ZNF787: variants seen among roughly 807,000 people sequenced by gnomAD.
ZNF787 encodes TTF-I-interacting peptide 20.
Under a neutral mutation model 16.9 loss-of-function variants are expected in ZNF787, and 7 were observed. That is an observed-to-expected ratio of 0.42 (90% CI 0.24 to 0.78). ZNF787 has a LOEUF of 0.78. Ranked by LOEUF, ZNF787 falls within the 30% of genes least tolerant of loss-of-function variation. The pLI is 0.30. For synonymous variants in ZNF787, 345 were observed against 270.9 expected (o/e 1.27, Z -2.69); for missense variants, 551 against 589.3 (o/e 0.94, Z 0.67).
intron 1 of ZNF787, among the ~76,000 whole-genome samples, chr19:56,103,919 C>A (rs1986206218): frequency 5.8e-5 from 1 of 17,206 alleles, no homozygotes; most frequent in Non-Finnish European, 1.5e-4. Flanking sequence ...TGCCACGCAC[C>A]GGGAGGGTCC....
Position 56,089,010 on chromosome 19 carries a change from G to A in ZNF787, c.162C>T (p.Ala54=), listed in dbSNP as rs774444323. The A allele has an allele frequency of 2.4e-5, 36 of 1,488,194 alleles. No homozygotes were observed. In the African/African-American group the frequency reaches 4.6e-4, roughly 19 times the overall value. The allele number at this position is 1,488,194 out of a possible 1,614,324, so 92.2% of individuals were successfully genotyped here. A position where few individuals can be genotyped will look rare whatever the true frequency, so the allele number is the denominator to read the frequency against. The stretch of plus-strand genomic sequence containing the variant: ...GCGGCCGCGGCCGGGGAGGCGGGCC[G>A]GCTGGGGGCGCAGACTGGGGCGGGG... The part of the protein sequence containing the change: ...KLSPPQSAPP[A]GPPPRPRPPA... The change falls in exon 3 of 3, where the codon GCC becomes GCT. Residue 54 remains alanine, a synonymous_variant. Coordinates refer to ENST00000610935, the MANE Select transcript of ZNF787 (RefSeq NM_001002836.4).
At chr19:56,095,796 C>T (rs2123398425) in intron 2 of ZNF787, among the ~76,000 whole-genome samples, 1 of 152,352 alleles carries the variant, frequency 6.6e-6, no homozygotes, top group East Asian at 1.9e-4. Context: ...ACAGCTCCTA[C>T]TTCAGCTGCT....
In ZNF787 at chr19:56,088,995, C is replaced by A; in HGVS notation, c.177G>T (p.Arg59=). The A allele has an allele frequency of 6.7e-7, 1 of 1,494,668 alleles. No homozygotes were observed. Among genetic ancestry groups the A allele is most frequent in the Non-Finnish European group, 8.9e-7 (1 of 1,124,448 alleles). The allele number at this position is 1,494,668 out of a possible 1,614,324, so 92.6% of individuals were successfully genotyped here. A position where few individuals can be genotyped will look rare whatever the true frequency, so the allele number is the denominator to read the frequency against. The change falls in exon 3 of 3, where the codon CGG becomes CGT. Residue 59 remains arginine (R), a synonymous_variant. Coordinates refer to ENST00000610935, the MANE Select transcript of ZNF787 (RefSeq NM_001002836.4). This position sits in a 1 kb window ranked among gnomAD's most constrained non-coding sequence, Gnocchi z 8.6. ...AGATGTAGGGGGCGGGCGGCCGCGG[C>A]CGGGGAGGCGGGCCGGCTGGGGGCG... ...QSAPPAGPPP[R]PRPPAPYICN... is the part of the protein sequence containing the mutation.
chr19:56,107,384 G>A (rs941135139), intron 1 of ZNF787, among the ~76,000 whole-genome samples: 2 of 152,156 alleles, frequency 1.3e-5, no homozygotes, highest in Non-Finnish European at 1.5e-5. Context: ...CGCTCTCCAG[G>A]GTCCTCATTT....
At chr19:56,110,246 G>C (rs2029938971) in intron 1 of ZNF787, among the ~76,000 whole-genome samples, 1 of 151,890 alleles carries the variant, frequency 6.6e-6, no homozygotes, top group Admixed American at 6.6e-5. Context: ...TGTAGTCCCA[G>C]CTACTGGGGA....
At chr19:56,107,733 T>G (rs1478017247) in intron 1 of ZNF787, among the ~76,000 whole-genome samples, 4 of 143,160 alleles carry the variant, frequency 2.8e-5, no homozygotes, top group Admixed American at 7.0e-5. Context: ...GAGGCTGGGG[T>G]GGGCCCTCAG....
intron 2 of ZNF787, among the ~76,000 whole-genome samples, chr19:56,099,097 C>A (rs1047416123): frequency 2.6e-5 from 4 of 152,174 alleles, no homozygotes; most frequent in Non-Finnish European, 5.9e-5. Context: ...ATATCAAGTC[C>A]TTCTGGGCTA....
intron 2 of ZNF787, among the ~76,000 whole-genome samples, chr19:56,099,666 G>A (rs1301626625): frequency 4.4e-5 from 6 of 136,326 alleles, no homozygotes; most frequent in South Asian, 2.4e-4. Flanking sequence ...AGCCGAGATC[G>A]TACCACTGCA....
intron 2 of ZNF787, among the ~76,000 whole-genome samples, chr19:56,100,990 A>G (rs1161923778): frequency 7.5e-6 from 1 of 132,868 alleles, no homozygotes; most frequent in Non-Finnish European, 1.6e-5. Context: ...TCCACACGCC[A>G]TGGCCAGGCC....
At chr19:56,110,343 C>T (rs1380918237) in intron 1 of ZNF787, among the ~76,000 whole-genome samples, 5 of 148,074 alleles carry the variant, frequency 3.4e-5, no homozygotes, top group African/African-American at 1.0e-4. Context: ...GCCTGGGCAA[C>T]AGAGCGAGAC....
intron 1 of ZNF787, chr19:56,103,478 G>T (rs1047560540): frequency 1.9e-5 from 8 of 414,510 alleles, no homozygotes; most frequent in East Asian, 1.1e-4. Context: ...TACAACCACC[G>T]CCAGTTCCCA....
chr19:56,103,184 GC>G lies in ZNF787; in HGVS notation c.33del (p.Pro12ArgfsTer70). The G allele has an allele frequency of 6.3e-7, 1 of 1,578,246 alleles. No homozygotes were observed. The highest frequency in any genetic ancestry group is 8.6e-7 in the Non-Finnish European group (1 of 1,161,646). ...ATCTGCTGGTCCTCAGAATCCAGCG[GC>G]CCCGGAGACCAGGCTTCTTCCCGCA... The part of the protein sequence containing the change: MELREEAWSP[G>X]PLDSEDQQMA... On this transcript the variant is annotated frameshift_variant, in exon 2 of 3. Coordinates refer to ENST00000610935, the MANE Select transcript of ZNF787 (RefSeq NM_001002836.4). LOFTEE classifies it high-confidence loss of function.
At chr19:56,113,955 G>A (rs1440237315) in intron 1 of ZNF787, among the ~76,000 whole-genome samples, 2 of 152,062 alleles carry the variant, frequency 1.3e-5, no homozygotes, top group African/African-American at 4.8e-5. Flanking sequence ...TCTGCCTCCC[G>A]AGTAGCTGGG....
rs759719798 is a variant in ZNF787, at chr19:56,087,768, C to A, written c.*255G>T. ...TCTGCAGTTCTCTCCATTGTCTCTC[C>A]GGCTCGCAGGCCGATAACTTAGGAA... is the stretch of plus-strand genomic sequence containing the variant. On this transcript the variant is annotated 3_prime_UTR_variant, in exon 3 of 3. Transcript: ENST00000610935. The A allele has an allele frequency of 6.5e-6, 3 of 459,156 alleles. No individual in the cohort carries two copies. Among genetic ancestry groups the A allele is most frequent in the Non-Finnish European group, 9.9e-6 (3 of 303,390 alleles). The allele number at this position is 459,156 out of a possible 1,614,324, so 28.4% of individuals were successfully genotyped here.
At chr19:56,116,303 A>G (rs564973) in intron 1 of ZNF787, among the ~76,000 whole-genome samples, 138,760 of 151,978 alleles carry the variant, frequency 0.91, 64,044 homozygotes, top group Non-Finnish European at 0.99. Flanking sequence ...TTAGCCAGGC[A>G]TGGTGGCGGG....
At chr19:56,108,269 G>T (rs2029885352) in intron 1 of ZNF787, among the ~76,000 whole-genome samples, 1 of 144,958 alleles carries the variant, frequency 6.9e-6, no homozygotes, top group Admixed American at 6.8e-5. Context: ...GCACTCCCTG[G>T]CTCCCTCCAC....
At chr19:56,094,741 T>C (rs897792624) in intron 2 of ZNF787, among the ~76,000 whole-genome samples, 4 of 152,104 alleles carry the variant, frequency 2.6e-5, no homozygotes, top group Non-Finnish European at 5.9e-5. Flanking sequence ...AGACAATTTT[T>C]CCACGGACAG....
At chr19:56,105,322 T>TA (rs1295275403) in intron 1 of ZNF787, 2 of 151,926 alleles carry the variant, frequency 1.3e-5, no homozygotes, top group Non-Finnish European at 2.9e-5. Context: ...ATGCTGGGGT[T>TA]TCATAAACCA....
intron 2 of ZNF787, among the ~76,000 whole-genome samples, chr19:56,098,779 C>G (rs1985975475): frequency 7.7e-6 from 1 of 130,308 alleles, no homozygotes. Context: ...GGTGATATGG[C>G]CACCGGGTGA....
Sources: allele counts gnomAD v4.1 joint callset (sites outside exome capture counted in the v4.1 genomes callset), GRCh38; gene constraint gnomAD v4.1.1; non-coding constraint Gnocchi (gnomAD v3.1); transcripts MANE v1.5; gene names NCBI Gene and HGNC (gene_info 2026-07-23, HGNC 2026-07-21).